The following SLC13A5 variants were observed in gnomAD, a reference collection of about 807,000 sequenced individuals.
SLC13A5 encodes Na(+)/citrate cotransporter.
In SLC13A5, 25 loss-of-function variants were observed where a neutral mutation model predicts 56.5. The ratio of observed to expected loss-of-function variants is 0.44; its 90% confidence interval spans 0.32 to 0.62. The LOEUF is 0.62. SLC13A5 is among the 20% of genes least tolerant of loss of function. The pLI is 0.04. For synonymous variants in SLC13A5, 307 were observed against 301.5 expected (o/e 1.02, Z -0.19); for missense variants, 649 against 737.8 (o/e 0.88, Z 1.39).
At position 6,713,345 on chromosome 17, in the gene SLC13A5, G is replaced by C. The variant is rs1262640508; in HGVS notation, c.-12C>G. On this transcript the variant is annotated 5_prime_UTR_variant, in exon 1 of 12. Coordinates refer to ENST00000433363, the MANE Select transcript of SLC13A5 (RefSeq NM_177550.5). The surrounding 1 kb of genome is among the most constrained non-coding windows in gnomAD (Gnocchi z 7.3). ...AGCGCCGAGGCCATCGCGCGGGAGG[G>C]AGACTGGCGGGCGAGACGAGTGAGG... The C allele has an allele frequency of 1.2e-6, 2 of 1,612,660 alleles. No individual in the cohort carries two copies. The highest frequency in any genetic ancestry group is 2.2e-5 in the South Asian group (2 of 91,032).
chr17:6,708,989 A>ATTTATTTT (rs1973944944), intron 1 of SLC13A5, among the ~76,000 whole-genome samples: 1 of 106,160 alleles, frequency 9.4e-6, no homozygotes. Context: ...TCGCTCTTTT[A>ATTTATTTT]TTTCTTTTTT....
At chr17:6,696,008 C>T (rs1973551930) in intron 6 of SLC13A5, 67 bp from the exon 7 acceptor site, 1 of 1,429,370 alleles carries the variant, frequency 7.0e-7, no homozygotes, top group Admixed American at 1.8e-5. Context: ...TCAGATGGAG[C>T]CTAAATGTTC....
Position 6,685,577 on chromosome 17 carries a change from G to C in SLC13A5, c.*630C>G, listed in dbSNP as rs79426906. The C allele has an allele frequency of 3.1e-3, 474 of 153,920 alleles. 6 individuals carry two copies. In the East Asian group the frequency reaches 0.049, roughly 16 times the overall value. 9.5% of individuals were successfully genotyped at this position (153,920 alleles called of 1,614,324 possible). ...TGGGTGGCAAGCCAGGTGTCGTCCT[G>C]AAGTTGGCAACTCAGATTCCTCATC... On this transcript the variant is annotated 3_prime_UTR_variant, in exon 12 of 12. Transcript: ENST00000433363. The surrounding 1 kb of genome is among the most constrained non-coding windows in gnomAD (Gnocchi z 4.2).
rs1334051824 is a variant in SLC13A5 at position 6,695,875 on chromosome 17, C to A, written c.906G>T (p.Leu302=). 1.9e-6 allele frequency: 3 copies of A among 1,614,024 alleles called. No homozygotes were observed. The African/African-American group carries it at 4.0e-5, about 22-fold the overall frequency. ...GCCCCAGCTTCCGGTACTCCTCCTG[C>A]AGCACCTTGAGGGCAGCCTTCTCGT... ...KKNEKAALKV[L]QEEYRKLGPL... is the part of the protein sequence containing the mutation. Residue 302 remains leucine, a synonymous_variant, in exon 7 of 12, where the codon CTG becomes CTT. Coordinates refer to ENST00000433363, the MANE Select transcript of SLC13A5 (RefSeq NM_177550.5).
rs969979467 is a variant in SLC13A5 at position 6,711,696 on chromosome 17, T to C, written c.102+1536A>G. On this transcript the variant is annotated intron_variant, in intron 1 of 11. Transcript: ENST00000433363. This position sits in a 1 kb window ranked among gnomAD's most constrained non-coding sequence, Gnocchi z 4.0. Reference sequence around the variant, plus strand: ...GTCTGTGTGTGTTTGTGAGTGTGTGTGTGTGAGAGAGAGAGTGTGTATGTG... The same window carrying C: ...GTCTGTGTGTGTTTGTGAGTGTGTGCGTGTGAGAGAGAGAGTGTGTATGTG... Among the ~76,000 whole-genome samples the C allele has an allele frequency of 2.6e-5, 4 of 151,666 alleles. No homozygotes were observed. Among genetic ancestry groups the C allele is most frequent in the African/African-American group, 7.3e-5 (3 of 41,236 alleles).
At position 6,706,660 on chromosome 17, in the gene SLC13A5, AC is replaced by A; in HGVS notation, c.349del (p.Val117TrpfsTer8). 2 of 1,613,546 alleles carry A rather than the reference AC, an allele frequency of 1.2e-6. No individual in the cohort carries two copies. Among genetic ancestry groups the A allele is most frequent in the Non-Finnish European group, 1.7e-6 (2 of 1,179,858 alleles). On this transcript the variant is annotated frameshift_variant, in exon 3 of 12. Transcript: ENST00000433363. LOFTEE classifies it high-confidence loss of function. ...TAATTACCGTGCAGGCTTGGCCCCC[AC>A]CCAGAGGAGCGTGCGCAGGGCGATC... ...KRIALRTLLW[V>X]GAKPARLMLG...
intron 3 of SLC13A5, chr17:6,705,514 C>T (rs753453277): frequency 1.3e-5 from 2 of 152,162 alleles, no homozygotes; most frequent in Non-Finnish European, 2.9e-5. Flanking sequence ...TTCCTGGGGT[C>T]TCTCATTTCT....
At chr17:6,689,025 A>G (rs1339316390) in intron 10 of SLC13A5, 2 of 152,238 alleles carry the variant, frequency 1.3e-5, no homozygotes, top group East Asian at 1.9e-4. Flanking sequence ...TATTTCAGCA[A>G]ACCCCCTGTT....
chr17:6,686,070 T>G lies in SLC13A5; in HGVS notation c.*137A>C. 6 of 1,248,466 alleles carry G rather than the reference T, an allele frequency of 4.8e-6. No homozygotes were observed. Among genetic ancestry groups the G allele is most frequent in the Non-Finnish European group, 5.6e-6 (5 of 892,138 alleles). The allele number at this position is 1,248,466 out of a possible 1,614,324, so 77.3% of individuals were successfully genotyped here. The stretch of plus-strand genomic sequence containing the variant: ...TGGGCTTGGAGGAAGAGGTGGCCCA[T>G]TGGCTGGGTTTTGGTGGTGTGTGGA... On this transcript the variant is annotated 3_prime_UTR_variant, in exon 12 of 12. Coordinates refer to ENST00000433363, the MANE Select transcript of SLC13A5 (RefSeq NM_177550.5).
At chr17:6,703,396 G>A (rs1423407631) in intron 4 of SLC13A5, among the ~76,000 whole-genome samples, 1 of 152,228 alleles carries the variant, frequency 6.6e-6, no homozygotes, top group Admixed American at 6.5e-5. Flanking sequence ...GGATGGTAAG[G>A]GAACACGGCA....
chr17:6,694,255 C>A, intron 7 of SLC13A5, 58 bp from the exon 8 acceptor site: 1 of 1,009,282 alleles, frequency 9.9e-7, no homozygotes, highest in Non-Finnish European at 1.5e-6. Context: ...ACAAACCCAT[C>A]ACAACTCCGG....
intron 7 of SLC13A5, among the ~76,000 whole-genome samples, chr17:6,695,042 G>A (rs1021288013): frequency 1.1e-4 from 17 of 152,176 alleles, no homozygotes; most frequent in Admixed American, 6.5e-5. Flanking sequence ...ATGTGAAGAT[G>A]AGAAAGGGAA....
rs897787895 is a variant in SLC13A5 at position 6,695,345 on chromosome 17, C to T, written c.1055+381G>A. 6 of 174,160 alleles carry T rather than the reference C, an allele frequency of 3.4e-5. No individual in the cohort carries two copies. The South Asian group carries it at 6.8e-4, about 20-fold the overall frequency. 10.8% of individuals were successfully genotyped at this position (174,160 alleles called of 1,614,324 possible). A position where few individuals can be genotyped will look rare whatever the true frequency, so the allele number is the denominator to read the frequency against. On this transcript the variant is annotated intron_variant, in intron 7 of 11. Coordinates refer to ENST00000433363, the MANE Select transcript of SLC13A5 (RefSeq NM_177550.5). ...CCACATTCCTCTTGCCACCTGTAGC[C>T]GAGACCAGCAGCATTTAGGCACTAG...
chr17:6,695,251 C>T (rs1973527271), intron 7 of SLC13A5, among the ~76,000 whole-genome samples: 1 of 152,156 alleles, frequency 6.6e-6, no homozygotes, highest in African/African-American at 2.4e-5. Context: ...AGTCATGAAA[C>T]CAACAGAGTG....
At chr17:6,702,829 C>T in intron 5 of SLC13A5, 141 bp downstream of exon 5, 7 of 1,020,440 alleles carry the variant, frequency 6.9e-6, no homozygotes, top group Non-Finnish European at 7.0e-6. Flanking sequence ...CCACATCTTT[C>T]CACCCCTGCC....
intron 9 of SLC13A5, among the ~76,000 whole-genome samples, chr17:6,691,829 C>T (rs1305205602): frequency 6.6e-6 from 1 of 152,192 alleles, no homozygotes; most frequent in African/African-American, 2.4e-5. Context: ...GGCCTCAGTC[C>T]TTCAGTGGCT....
rs777288165 is a variant in SLC13A5, at chr17:6,693,070, C to T, written c.1249G>A (p.Gly417Arg). ...PWGIVLLLGG[G>R]FALAKGSEAS... ...TCGGATCCTTTAGCCAGAGCAAATC[C>T]GCCCCCTAGTAGCAGCACGATGCCC... Residue 417 changes from glycine to arginine, a missense_variant, in exon 9 of 12, where the codon GGA (glycine) becomes AGA (arginine). Coordinates refer to ENST00000433363, the MANE Select transcript of SLC13A5 (RefSeq NM_177550.5). 1.1e-5 allele frequency: 18 copies of T among 1,614,074 alleles called. No individual in the cohort carries two copies. Among genetic ancestry groups the T allele is most frequent in the South Asian group, 8.8e-5 (8 of 91,084 alleles).
intron 6 of SLC13A5, among the ~76,000 whole-genome samples, chr17:6,697,048 G>A (rs983747273): frequency 9.2e-5 from 14 of 152,136 alleles, no homozygotes; most frequent in Admixed American, 9.2e-4. Context: ...GGTCTACACG[G>A]CTGGCTAGGA....
chr17:6,710,717 G>C (rs1334093386), intron 1 of SLC13A5, among the ~76,000 whole-genome samples: 1 of 151,720 alleles, frequency 6.6e-6, no homozygotes, highest in Non-Finnish European at 1.5e-5. Flanking sequence ...AACAAGGCAG[G>C]GTGTCCTGAC....
Sources: allele counts gnomAD v4.1 joint callset (sites outside exome capture counted in the v4.1 genomes callset), GRCh38; gene constraint gnomAD v4.1.1; non-coding constraint Gnocchi (gnomAD v3.1); transcripts MANE v1.5; gene names NCBI Gene and HGNC (gene_info 2026-07-23, HGNC 2026-07-21).